The following HMGCLL1 variants were observed in gnomAD, a reference collection of about 807,000 sequenced individuals.
HMGCLL1 encodes the protein 3-hydroxymethyl-3-methylglutaryl-CoA lyase, cytoplasmic.
HMGCLL1 carries 36 observed loss-of-function variants against 39.1 expected under a neutral mutation model. The observed-to-expected ratio is 0.92, with a 90% CI of 0.71 to 1.22. The LOEUF (loss-of-function observed/expected upper bound fraction) is 1.22, where lower values mean the gene tolerates loss of function less well. HMGCLL1 is among the 50% of genes most tolerant of loss of function. HMGCLL1 has a pLI of 0.00. For synonymous variants in HMGCLL1, 149 were observed against 144.0 expected, an observed-to-expected ratio of 1.03 and a Z score of -0.25; for missense variants, 451 against 416.5, an observed-to-expected ratio of 1.08 and a Z score of -0.72.
chr6:55,646,228 T>A, the HMGCLL1 span, among the ~76,000 whole-genome samples: 6 of 152,012 alleles, frequency 3.9e-5, no homozygotes, highest in Non-Finnish European at 7.4e-5. Flanking sequence ...TTCTGCAGTA[T>A]TAGGTGTAAT....
At chr6:55,613,833 T>C in the HMGCLL1 span, among the ~76,000 whole-genome samples, 1 of 152,054 alleles carries the variant, frequency 6.6e-6, no homozygotes. Context: ...CAGGACTTAA[T>C]ACCAAGGTGA....
the HMGCLL1 span, among the ~76,000 whole-genome samples, chr6:55,664,784 C>T: frequency 6.6e-6 from 1 of 151,714 alleles, no homozygotes; most frequent in Non-Finnish European, 1.5e-5. Context: ...AAAGGATACA[C>T]TTCCAATCTC....
Position 55,541,763 on chromosome 6 carries a change from A to G in HMGCLL1, c.263T>C (p.Val88Ala). ...LSQTGLSVIEVTSFVSSRWVP... is the reference protein window; with the variant it reads ...LSQTGLSVIEATSFVSSRWVP... ...CCATCTGGAAGACACAAAGCTAGTC[A>G]CTTCTATTACAGACAAGCCAGTTTG... Residue 88 changes from valine (V) to alanine (A), a missense_variant, in exon 3 of 9, where the codon GTG becomes GCG. Coordinates refer to ENST00000274901, the MANE Select transcript of HMGCLL1 (RefSeq NM_001042406.2). The G allele has an allele frequency of 6.2e-7, 1 of 1,606,760 alleles. No homozygotes were observed. Among genetic ancestry groups the G allele is most frequent in the East Asian group, 2.2e-5 (1 of 44,610 alleles).
intron 7 of HMGCLL1, among the ~76,000 whole-genome samples, chr6:55,476,763 A>G (rs1378856491): frequency 2.6e-5 from 4 of 151,718 alleles, no homozygotes; most frequent in African/African-American, 9.6e-5. Flanking sequence ...ATTCCCTTTG[A>G]AATATTTTAT....
intron 1 of HMGCLL1, among the ~76,000 whole-genome samples, chr6:55,547,002 T>C (rs2127462122): frequency 6.6e-6 from 1 of 152,178 alleles, no homozygotes; most frequent in Non-Finnish European, 1.5e-5. Context: ...TATGTTACTT[T>C]ACTTTTCCAA....
At chr6:55,672,503 T>C in the HMGCLL1 span, among the ~76,000 whole-genome samples, 5 of 151,806 alleles carry the variant, frequency 3.3e-5, no homozygotes, top group Admixed American at 3.3e-4. Context: ...AAATATAATA[T>C]AATCAAATTG....
At chr6:55,560,288 G>C (rs1283213799) in intron 1 of HMGCLL1, among the ~76,000 whole-genome samples, 2 of 152,132 alleles carry the variant, frequency 1.3e-5, no homozygotes, top group South Asian at 4.1e-4. Context: ...AACTATAAAG[G>C]TGTAATAGCA....
At chr6:55,575,295 T>C (rs1253300063) in intron 1 of HMGCLL1, among the ~76,000 whole-genome samples, 2 of 152,066 alleles carry the variant, frequency 1.3e-5, no homozygotes, top group Non-Finnish European at 2.9e-5. Context: ...ATAATTTAAT[T>C]AGTGGACCTG....
At chr6:55,515,506 T>C (rs1192693093) in intron 4 of HMGCLL1, among the ~76,000 whole-genome samples, 1 of 152,082 alleles carries the variant, frequency 6.6e-6, no homozygotes, top group African/African-American at 2.4e-5. Flanking sequence ...GAAACAGCTA[T>C]AGCGCAAAAA....
intron 1 of HMGCLL1, among the ~76,000 whole-genome samples, chr6:55,555,975 A>T (rs1581944732): frequency 6.6e-6 from 1 of 152,084 alleles, no homozygotes; most frequent in East Asian, 1.9e-4. Flanking sequence ...TACTGGCCAT[A>T]ATAAAGATTT....
chr6:55,514,265 G>T (rs1767620968), intron 4 of HMGCLL1, 69 bp from the exon 5 acceptor site: 11 of 1,196,632 alleles, frequency 9.2e-6, no homozygotes. Flanking sequence ...GTAGAATAAA[G>T]ATTAACTACT....
chr6:55,664,783 A>C, the HMGCLL1 span, among the ~76,000 whole-genome samples: 1 of 151,692 alleles, frequency 6.6e-6, no homozygotes, highest in African/African-American at 2.4e-5. Context: ...TAAAGGATAC[A>C]CTTCCAATCT....
At chr6:55,611,865 T>C in the HMGCLL1 span, among the ~76,000 whole-genome samples, 1 of 151,984 alleles carries the variant, frequency 6.6e-6, no homozygotes, top group Non-Finnish European at 1.5e-5. Flanking sequence ...ATGGGCAAAA[T>C]CTGAAAGAAT....
chr6:55,438,434 T>C (rs886821677), intron 8 of HMGCLL1, among the ~76,000 whole-genome samples: 2 of 152,062 alleles, frequency 1.3e-5, no homozygotes, highest in African/African-American at 4.8e-5. Context: ...TTATATAACC[T>C]TGTGGTAAGT....
the HMGCLL1 span, among the ~76,000 whole-genome samples, chr6:55,585,355 G>A: frequency 1.3e-5 from 2 of 152,016 alleles, no homozygotes; most frequent in Admixed American, 6.6e-5. Context: ...TGGACTGTTC[G>A]TTAACTAGTT....
the HMGCLL1 span, among the ~76,000 whole-genome samples, chr6:55,654,985 A>T: frequency 6.6e-6 from 1 of 151,930 alleles, no homozygotes; most frequent in African/African-American, 2.4e-5. Flanking sequence ...TCAAATGGTG[A>T]ATTTCTCTTG....
the HMGCLL1 span, among the ~76,000 whole-genome samples, chr6:55,627,205 C>A: frequency 7.9e-5 from 12 of 151,956 alleles, no homozygotes; most frequent in Admixed American, 7.9e-4. Flanking sequence ...ATGAGTATTT[C>A]CTCCTTCTTT....
the HMGCLL1 span, among the ~76,000 whole-genome samples, chr6:55,628,188 A>AAATATATAGTATATATAC: frequency 6.6e-4 from 55 of 83,934 alleles, 1 homozygote; most frequent in African/African-American, 2.5e-3. Context: ...TATATATAAT[A>AAATATATAGTATATATAC]TATATATATA....
chr6:55,474,316 A>G (rs1468853848), intron 7 of HMGCLL1, among the ~76,000 whole-genome samples: 1 of 151,588 alleles, frequency 6.6e-6, no homozygotes, highest in East Asian at 1.9e-4. Flanking sequence ...GAATTTTTTC[A>G]TTAATTTTTC....
Sources: allele counts gnomAD v4.1 joint callset (sites outside exome capture counted in the v4.1 genomes callset), GRCh38; gene constraint gnomAD v4.1.1; transcripts MANE v1.5; gene names NCBI Gene and HGNC (gene_info 2026-07-23, HGNC 2026-07-21).